The following STXBP5 variants were observed in gnomAD, a reference collection of about 807,000 sequenced individuals.
STXBP5 encodes syntaxin binding protein 5.
STXBP5 carries 50 observed loss-of-function variants against 152.4 expected under a neutral mutation model. The observed-to-expected ratio is 0.33, with a 90% confidence interval of 0.26 to 0.42. STXBP5 has a LOEUF of 0.42. STXBP5 is among the 10% of genes least tolerant of loss of function. The probability of loss-of-function intolerance (pLI) is 1.00; values close to 1 mark genes in which losing one functional copy is unlikely to be tolerated. For missense variants in STXBP5, 1,167 were observed against 1,388.6 expected, an observed-to-expected ratio of 0.84 and a Z score of 2.54; for synonymous variants, 492 against 494.7, an observed-to-expected ratio of 0.99 and a Z score of 0.07.
chr6:147,352,343 G>A (rs1376695617), intron 21 of STXBP5, among the ~76,000 whole-genome samples: 1 of 152,178 alleles, frequency 6.6e-6, no homozygotes, highest in South Asian at 2.1e-4. Context: ...AAATTAAAAA[G>A]TAATGAACCC....
At position 147,260,724 on chromosome 6, in the gene STXBP5, A is replaced by G; in HGVS notation, c.541A>G (p.Ile181Val). The G allele has an allele frequency of 6.2e-7, 1 of 1,613,568 alleles. No individual in the cohort carries two copies. Among genetic ancestry groups the G allele is most frequent in the Non-Finnish European group, 8.5e-7 (1 of 1,179,648 alleles). Residue 181 changes from isoleucine (I) to valine (V), a missense_variant, in exon 5 of 28, where the codon ATT (isoleucine) becomes GTT (valine). Around this residue, in one of 3 missense-constraint regions of STXBP5, gnomAD observed 310 missense variants for 346.1 expected, o/e 0.90. Transcript: ENST00000321680. ...GTCCTTCACACTCTCAGGCTACGTC[A>G]TTATGTGGAATAAAGCCATTGAACT... ...VESFTLSGYV[I>V]MWNKAIELSS...
chr6:147,355,066 AT>A (rs1245392022), intron 22 of STXBP5, among the ~76,000 whole-genome samples: 2 of 152,142 alleles, frequency 1.3e-5, no homozygotes, highest in African/African-American at 4.8e-5. Flanking sequence ...ATTTTTGCTT[AT>A]GGGGAAATTG....
At chr6:147,277,463 A>AG (rs1780499684) in intron 7 of STXBP5, among the ~76,000 whole-genome samples, 1 of 152,106 alleles carries the variant, frequency 6.6e-6, no homozygotes, top group African/African-American at 2.4e-5. Flanking sequence ...CAAAAAAATG[A>AG]GGGGTATCAT....
rs1285839663 is a variant in STXBP5, at chr6:147,235,272, T to C, written c.271T>C (p.Cys91Arg). 1 of 1,613,486 alleles carries C rather than the reference T, an allele frequency of 6.2e-7. No homozygotes were observed. Among genetic ancestry groups the C allele is most frequent in the South Asian group, 1.1e-5 (1 of 91,060 alleles). ...LRLFGRPGVE[C>R]YCQHDSGAAV... ...CAGCTTTGGTCGTCCAGGAGTAGAA[T>C]GTTATTGCCAGCATGACAGTGGAGC... is the stretch of plus-strand genomic sequence containing the variant. Residue 91 changes from cysteine (C) to arginine (R), a missense_variant, in exon 3 of 28, where the codon TGT (cysteine) becomes CGT (arginine). Physicochemically the swap from Cys to Arg is radical, Grantham distance 180. Transcript: ENST00000321680.
chr6:147,236,857 C>A (rs149045958), intron 3 of STXBP5, among the ~76,000 whole-genome samples: 5,266 of 151,138 alleles, frequency 0.035, 142 homozygotes, highest in Admixed American at 0.054. Context: ...TGACTCACTG[C>A]AACCTCCGCC....
At chr6:147,255,555 T>G (rs1283048887) in intron 4 of STXBP5, among the ~76,000 whole-genome samples, 1 of 152,138 alleles carries the variant, frequency 6.6e-6, no homozygotes, top group East Asian at 1.9e-4. Context: ...GGAGGGTTGG[T>G]GCAGTCATGG....
At chr6:147,286,389 A>T (rs1436197368) in intron 8 of STXBP5, among the ~76,000 whole-genome samples, 3 of 152,198 alleles carry the variant, frequency 2.0e-5, no homozygotes, top group African/African-American at 7.2e-5. Flanking sequence ...TATTTATAAA[A>T]ATTTAATATG....
rs190692944 is a variant in STXBP5 at position 147,217,355 on chromosome 6, A to T, written c.248+11287A>T. Among the ~76,000 whole-genome samples, 210 of 152,350 alleles carry T rather than the reference A, an allele frequency of 1.4e-3. 1 individual carries two copies. The highest frequency in any genetic ancestry group is 4.7e-3 in the African/African-American group (196 of 41,590). ...TTAGCCATTAGGCATCTGGGAATGGATGCTGGGATAAAAAGCTGTTTTTAC... is the reference window on the plus strand; with the variant it reads ...TTAGCCATTAGGCATCTGGGAATGGTTGCTGGGATAAAAAGCTGTTTTTAC... On this transcript the variant is annotated intron_variant, in intron 2 of 27. Coordinates refer to ENST00000321680, the MANE Select transcript of STXBP5 (RefSeq NM_001127715.4).
At chr6:147,207,298 T>C (rs1018110523) in intron 2 of STXBP5, among the ~76,000 whole-genome samples, 1 of 152,196 alleles carries the variant, frequency 6.6e-6, no homozygotes, top group Non-Finnish European at 1.5e-5. Flanking sequence ...AAAATGCTAA[T>C]AGAAGTTTTA....
At chr6:147,316,784 A>G (rs1582934365) in intron 16 of STXBP5, among the ~76,000 whole-genome samples, 1 of 151,422 alleles carries the variant, frequency 6.6e-6, no homozygotes, top group African/African-American at 2.4e-5. Flanking sequence ...GTCTTTTAAG[A>G]CTCAGTTGTT....
At chr6:147,229,247 C>T (rs1256565691) in intron 2 of STXBP5, among the ~76,000 whole-genome samples, 2 of 151,852 alleles carry the variant, frequency 1.3e-5, no homozygotes, top group Non-Finnish European at 2.9e-5. Flanking sequence ...AATTTGTTTT[C>T]GTGAATAATT....
At chr6:147,321,420 C>G (rs1782928607) in intron 16 of STXBP5, among the ~76,000 whole-genome samples, 3 of 151,988 alleles carry the variant, frequency 2.0e-5, no homozygotes, top group South Asian at 4.1e-4. Context: ...GATACCATCT[C>G]TACAATAAAG....
intron 17 of STXBP5, among the ~76,000 whole-genome samples, chr6:147,325,332 G>A (rs987022327): frequency 1.3e-5 from 2 of 152,064 alleles, no homozygotes; most frequent in African/African-American, 4.8e-5. Flanking sequence ...TATTTGTGAT[G>A]AAGTTTTAAA....
At chr6:147,348,830 CAGTT>C (rs945332454) in intron 21 of STXBP5, among the ~76,000 whole-genome samples, 42 of 152,180 alleles carry the variant, frequency 2.8e-4, no homozygotes, top group African/African-American at 8.2e-4. Flanking sequence ...AATATACTGA[CAGTT>C]AATGACATTA....
chr6:147,357,038 A>G lies in STXBP5; in HGVS notation c.2306-2046A>G, dbSNP rs558668510. ...CATGCAAGACAGTGTGCGAAATTCCAAAGGATATCAAAACGACACAGTCCT... is the reference window on the plus strand; with the variant it reads ...CATGCAAGACAGTGTGCGAAATTCCGAAGGATATCAAAACGACACAGTCCT... On this transcript the variant is annotated intron_variant, in intron 22 of 27. Transcript: ENST00000321680. Among the ~76,000 whole-genome samples the G allele has an allele frequency of 1.3e-3, 196 of 152,290 alleles. 1 individual carries two copies. The highest frequency in any genetic ancestry group is 4.7e-3 in the African/African-American group (194 of 41,570).
intron 9 of STXBP5, among the ~76,000 whole-genome samples, chr6:147,309,817 T>C (rs1160402730): frequency 6.6e-6 from 1 of 152,174 alleles, no homozygotes; most frequent in Non-Finnish European, 1.5e-5. Flanking sequence ...GAGAATTTTA[T>C]GAAAATTTTA....
chr6:147,323,918 C>T (rs986325599), intron 16 of STXBP5, among the ~76,000 whole-genome samples: 3 of 152,050 alleles, frequency 2.0e-5, no homozygotes, highest in South Asian at 2.1e-4. Context: ...ACTTGAAGAC[C>T]CTCTAAAGTC....
chr6:147,386,852 A>G lies in STXBP5; in HGVS notation c.*2097A>G, dbSNP rs1562283141. 6.6e-6 allele frequency: 1 copy of G among 151,720 alleles called. No individual in the cohort carries two copies. Among genetic ancestry groups the G allele is most frequent in the South Asian group, 2.1e-4 (1 of 4,812 alleles). 9.4% of individuals were successfully genotyped at this position (151,720 alleles called of 1,614,324 possible). On this transcript the variant is annotated 3_prime_UTR_variant, in exon 28 of 28. Transcript: ENST00000321680. ...TGGTTCCCTATCTATGTGGAAGGTC[A>G]TATTAGCTGCAATTATTTAATTTGC...
At chr6:147,273,233 A>G (rs1780269541) in intron 7 of STXBP5, among the ~76,000 whole-genome samples, 1 of 147,876 alleles carries the variant, frequency 6.8e-6, no homozygotes, top group African/African-American at 2.5e-5. Context: ...TAGTGGTAGC[A>G]TGTACCTGTA....
Sources: gnomAD v4.1 joint callset for allele counts (sites outside exome capture counted in the v4.1 genomes callset) on GRCh38, gnomAD v4.1.1 for gene constraint, gnomAD v4.1.1 regional missense constraint, MANE v1.5 for transcripts, NCBI Gene and HGNC (gene_info 2026-07-23, HGNC 2026-07-21) for gene names.